Variants in EFHC2 observed in about 807,000 individuals in gnomAD.
EFHC2 encodes EF-hand domain-containing family member C2.
A neutral mutation model predicts 52.7 loss-of-function variants in EFHC2; 18 were observed. The observed-to-expected ratio is 0.34, with a 90% CI of 0.24 to 0.51. EFHC2 has a LOEUF of 0.51. Among genes scored for constraint, EFHC2 ranks in the 20% least tolerant of loss-of-function variants. EFHC2 has a pLI of 0.97. For missense variants in EFHC2, 513 were observed against 562.5 expected (o/e 0.91, Z 0.89); for synonymous variants, 203 against 204.1 (o/e 0.99, Z 0.04).
chrX:44,297,056 C>T (rs1361128155), intron 2 of EFHC2, among the ~76,000 whole-genome samples: 7 of 112,055 alleles, frequency 6.2e-5, no homozygotes, highest in African/African-American at 2.3e-4. Context: ...AATAATTCTT[C>T]GTGACTACTA....
chrX:44,291,154 TGGGGGTA>T (rs2037790122), intron 2 of EFHC2, among the ~76,000 whole-genome samples: 1 of 111,604 alleles, frequency 9.0e-6, no homozygotes, highest in Non-Finnish European at 1.9e-5. Context: ...ATTGTGGAGG[TGGGGGTA>T]CATCTAAATA....
intron 11 of EFHC2, among the ~76,000 whole-genome samples, chrX:44,199,298 T>C (rs950938225): frequency 8.8e-6 from 1 of 113,226 alleles, no homozygotes; most frequent in Non-Finnish European, 1.9e-5. Context: ...CTTTGCTTTC[T>C]GCCCTGATTG....
intron 14 of EFHC2, among the ~76,000 whole-genome samples, chrX:44,154,660 C>T (rs1602122978): frequency 9.1e-6 from 1 of 110,361 alleles, no homozygotes; most frequent in Non-Finnish European, 1.9e-5. Flanking sequence ...GCCATGATCG[C>T]ACCACTACAC....
At chrX:44,267,981 G>A (rs1300737571) in intron 3 of EFHC2, among the ~76,000 whole-genome samples, 1 of 112,120 alleles carries the variant, frequency 8.9e-6, no homozygotes, top group African/African-American at 3.2e-5. Context: ...TGGTGACAGA[G>A]TGGTTATTCA....
chrX:44,187,856 T>TA (rs1289673315), intron 11 of EFHC2, among the ~76,000 whole-genome samples: 1 of 110,401 alleles, frequency 9.1e-6, no homozygotes, highest in Non-Finnish European at 1.9e-5. Context: ...CACATAGTAC[T>TA]AAGCTGCTTT....
intron 2 of EFHC2, 98 bp from the exon 3 acceptor site, chrX:44,272,934 G>A: frequency 1.4e-6 from 1 of 723,214 alleles, no homozygotes; most frequent in Non-Finnish European, 2.0e-6. Flanking sequence ...TTAATATAAA[G>A]AAAAAAGTAG....
At chrX:44,215,858 GCA>G (rs1028796174) in intron 11 of EFHC2, among the ~76,000 whole-genome samples, 4 of 109,391 alleles carry the variant, frequency 3.7e-5, no homozygotes, top group Non-Finnish European at 1.9e-5. Context: ...ATCTTGACGT[GCA>G]CACACACACA....
intron 4 of EFHC2, among the ~76,000 whole-genome samples, chrX:44,253,296 C>T (rs1327002763): frequency 1.8e-5 from 2 of 109,388 alleles, no homozygotes; most frequent in African/African-American, 6.7e-5. Flanking sequence ...ACTGCTCACT[C>T]CCCTGGAAAG....
chrX:44,202,360 G>A (rs183206062), intron 11 of EFHC2, among the ~76,000 whole-genome samples: 5 of 111,054 alleles, frequency 4.5e-5, no homozygotes, highest in Admixed American at 9.6e-5. Flanking sequence ...TGTAGTGAGC[G>A]GAGATCGCTC....
At chrX:44,163,417 G>A (rs2036672094) in intron 14 of EFHC2, among the ~76,000 whole-genome samples, 1 of 111,217 alleles carries the variant, frequency 9.0e-6, no homozygotes, top group Non-Finnish European at 1.9e-5. Flanking sequence ...TGTGAACTTT[G>A]TTTTCCCTAA....
intron 2 of EFHC2, among the ~76,000 whole-genome samples, chrX:44,277,402 G>A (rs1178345657): frequency 9.0e-6 from 1 of 111,546 alleles, no homozygotes; most frequent in Admixed American, 9.6e-5. Flanking sequence ...ATATGTTTAA[G>A]CTCTGTTTTA....
chrX:44,253,309 G>T (rs772700526), intron 4 of EFHC2, among the ~76,000 whole-genome samples: 10 of 109,916 alleles, frequency 9.1e-5, no homozygotes, highest in African/African-American at 3.0e-4. Flanking sequence ...CTGGAAAGGA[G>T]GTGGAAGCCA....
At chrX:44,343,033 C>G (rs914273278) in intron 1 of EFHC2, among the ~76,000 whole-genome samples, 4 of 110,254 alleles carry the variant, frequency 3.6e-5, no homozygotes, top group Non-Finnish European at 7.6e-5. Flanking sequence ...TGCCAGATTT[C>G]TTCAATTTGA....
At chrX:44,339,240 C>G (rs1372756351) in intron 1 of EFHC2, among the ~76,000 whole-genome samples, 1 of 109,501 alleles carries the variant, frequency 9.1e-6, no homozygotes, top group Non-Finnish European at 1.9e-5. Flanking sequence ...ATTAGAGACA[C>G]TCAGGATCAG....
At chrX:44,233,189 A>C (rs1489655745) in intron 9 of EFHC2, among the ~76,000 whole-genome samples, 1 of 111,580 alleles carries the variant, frequency 9.0e-6, no homozygotes, top group Admixed American at 9.5e-5. Context: ...GAACAGTACC[A>C]GTTAGAAAAT....
chrX:44,326,728 T>C (rs1443846016), intron 1 of EFHC2, among the ~76,000 whole-genome samples: 3 of 87,661 alleles, frequency 3.4e-5, no homozygotes, highest in Non-Finnish European at 6.7e-5. Flanking sequence ...TTTTTTTTTT[T>C]TTTTTTTTTT....
chrX:44,163,841 A>G, intron 14 of EFHC2, 81 bp downstream of exon 14: 1 of 695,310 alleles, frequency 1.4e-6, no homozygotes, highest in Non-Finnish European at 2.2e-6. Context: ...TTTTATAATG[A>G]AAAATAATTT....
chrX:44,250,347 C>A lies in EFHC2; in HGVS notation c.705G>T (p.Leu235=). 1 of 1,211,318 alleles carries A rather than the reference C, an allele frequency of 8.3e-7. No homozygotes were observed. The highest frequency in any genetic ancestry group is 1.1e-6 in the Non-Finnish European group (1 of 895,291). ...CAAACATTGAGACTGAGTCATCCCA[C>A]AGGCAGAAGAAACACAAAATCTTGC... ...YHGKILCFFC[L]WDDSVSMFGD... Residue 235 remains leucine (L), a synonymous_variant, in exon 5 of 15, where the codon CTG becomes CTT. Coordinates refer to ENST00000420999, the MANE Select transcript of EFHC2 (RefSeq NM_025184.4).
At chrX:44,154,191 C>G (rs1336435717) in intron 14 of EFHC2, among the ~76,000 whole-genome samples, 4 of 112,940 alleles carry the variant, frequency 3.5e-5, no homozygotes, top group Non-Finnish European at 5.6e-5. Flanking sequence ...ACTGCCAGCA[C>G]CTGGGTTCCT....
Sources: allele counts gnomAD v4.1 joint callset (sites outside exome capture counted in the v4.1 genomes callset), GRCh38; gene constraint gnomAD v4.1.1; transcripts MANE v1.5; gene names NCBI Gene and HGNC (gene_info 2026-07-23, HGNC 2026-07-21).